The following GABRA2 variants were observed in gnomAD, a reference collection of about 807,000 sequenced individuals.
The protein encoded by GABRA2 is gamma-aminobutyric acid type A receptor subunit alpha2.
A neutral mutation model predicts 48.7 loss-of-function variants in GABRA2; 16 were observed. The observed-to-expected ratio is 0.33, with a 90% CI of 0.22 to 0.50. The LOEUF (loss-of-function observed/expected upper bound fraction) is 0.50. GABRA2 is among the 20% of genes least tolerant of loss of function. The pLI is 0.98. For missense variants in GABRA2, 275 were observed against 535.6 expected, an observed-to-expected ratio of 0.51 and a Z score of 4.80; for synonymous variants, 185 against 184.5, an observed-to-expected ratio of 1.00 and a Z score of -0.02.
intron 8 of GABRA2, among the ~76,000 whole-genome samples, chr4:46,273,767 G>C (rs1249942829): frequency 6.6e-6 from 1 of 151,894 alleles, no homozygotes; most frequent in Non-Finnish European, 1.5e-5. Flanking sequence ...TTGTATCTCT[G>C]CCATATTTAA....
chr4:46,383,011 C>T (rs962863783), intron 3 of GABRA2, among the ~76,000 whole-genome samples: 1 of 152,014 alleles, frequency 6.6e-6, no homozygotes, highest in Non-Finnish European at 1.5e-5. Flanking sequence ...GGTAATTTCC[C>T]TGAGTTTTCT....
chr4:46,270,960 G>A (rs146282625), intron 8 of GABRA2, among the ~76,000 whole-genome samples: 32 of 149,890 alleles, frequency 2.1e-4, no homozygotes, highest in Admixed American at 6.7e-5. Context: ...AAGATCAAAT[G>A]AGTTTCTTCA....
At chr4:46,338,122 C>A (rs1304861472) in intron 3 of GABRA2, among the ~76,000 whole-genome samples, 1 of 151,792 alleles carries the variant, frequency 6.6e-6, no homozygotes, top group Non-Finnish European at 1.5e-5. Flanking sequence ...AACTGATTTT[C>A]TCAAGAGAGT....
chr4:46,347,692 G>T (rs1734384032), intron 3 of GABRA2, among the ~76,000 whole-genome samples: 2 of 151,858 alleles, frequency 1.3e-5, no homozygotes, highest in South Asian at 2.1e-4. Context: ...GCTATGATTT[G>T]TTGGATATGA....
intron 3 of GABRA2, among the ~76,000 whole-genome samples, chr4:46,345,386 A>G (rs1273978890): frequency 1.3e-5 from 2 of 151,782 alleles, no homozygotes; most frequent in South Asian, 2.1e-4. Flanking sequence ...TCCTAAACAT[A>G]CAATGGTGTT....
rs527266877 is a variant in GABRA2 at position 46,328,895 on chromosome 4, A to T, written c.255+3720T>A. Among the ~76,000 whole-genome samples the T allele has an allele frequency of 2.0e-5, 3 of 152,178 alleles. No homozygotes were observed. The South Asian group carries it at 6.2e-4, about 32-fold the overall frequency. ...ACTAATATCAACATGGAAATCATTC[A>T]TTTTGATCATCATGAAGACCATATC... On this transcript the variant is annotated intron_variant, in intron 4 of 9. Transcript: ENST00000381620.
In GABRA2 at chr4:46,303,619, G is replaced by A; in HGVS notation, c.704-7C>T. ...GTCATTACAGTATATTCACCTGGAA[G>A]AAAAATTTAAGAAGCTCAAGGAGTA... On this transcript the variant is annotated splice_polypyrimidine_tract_variant and splice_region_variant and intron_variant, in intron 7 of 9. Transcript: ENST00000381620. 1 of 1,611,772 alleles carries A rather than the reference G, an allele frequency of 6.2e-7. No individual in the cohort carries two copies. Among genetic ancestry groups the A allele is most frequent in the Non-Finnish European group, 8.5e-7 (1 of 1,178,334 alleles).
chr4:46,246,872 T>C lies in GABRA2; in HGVS notation c.*3436A>G, dbSNP rs1298363298. 2.0e-5 allele frequency among the ~76,000 whole-genome samples: 3 copies of C among 151,266 alleles called. No individual in the cohort carries two copies. In the East Asian group the frequency reaches 5.9e-4, roughly 30 times the overall value. On this transcript the variant is annotated 3_prime_UTR_variant, in exon 10 of 10. Transcript: ENST00000381620. ...GCAGAAGGTGACTTGAGCTACTTCC[T>C]TTCTTCTTTCATTGGAATGATGACC...
intron 2 of GABRA2, among the ~76,000 whole-genome samples, chr4:46,388,219 T>TA (rs573407506): frequency 1.6e-3 from 238 of 151,732 alleles, no homozygotes; most frequent in Non-Finnish European, 2.9e-3. Flanking sequence ...GCCATACCAT[T>TA]AAAAAAAGAA....
rs773130859 is a variant in GABRA2 at position 46,305,573 on chromosome 4, C to T, written c.698G>A (p.Ser233Asn). 11 of 1,613,568 alleles carry T rather than the reference C, an allele frequency of 6.8e-6. No individual in the cohort carries two copies. Residue 233 changes from serine (S) to asparagine (N), a missense_variant, in exon 7 of 10, where the codon AGT becomes AAT. Physicochemically the swap from Ser to Asn is conservative, Grantham distance 46. Transcript: ENST00000381620. ...QSIGKETIKSSTGEYTVMTAH... is the reference protein window; with the variant it reads ...QSIGKETIKSNTGEYTVMTAH... ...TAAAGACTAATTTTACTAACCTGTA[C>T]TGGATTTAATTGTCTCCTTTCCGAT...
At chr4:46,298,883 G>T (rs1725228896) in intron 8 of GABRA2, among the ~76,000 whole-genome samples, 1 of 151,530 alleles carries the variant, frequency 6.6e-6, no homozygotes, top group African/African-American at 2.4e-5. Flanking sequence ...TATTATCTTG[G>T]AATTTTCTAT....
chr4:46,251,917 T>G (rs1006982853), intron 9 of GABRA2, among the ~76,000 whole-genome samples: 2 of 151,458 alleles, frequency 1.3e-5, no homozygotes, highest in African/African-American at 4.8e-5. Flanking sequence ...ATATAAATAG[T>G]ACTTATCTGT....
At chr4:46,388,392 ATTTTC>A (rs1367331439) in intron 2 of GABRA2, among the ~76,000 whole-genome samples, 1 of 152,080 alleles carries the variant, frequency 6.6e-6, no homozygotes, top group East Asian at 1.9e-4. Context: ...CATTGAAAGG[ATTTTC>A]TTTTCTTCTG....
At chr4:46,356,003 T>G (rs28550664) in intron 3 of GABRA2, among the ~76,000 whole-genome samples, 1 of 152,204 alleles carries the variant, frequency 6.6e-6, no homozygotes. Flanking sequence ...CTCATATCCA[T>G]CTTCACAGAA....
intron 8 of GABRA2, among the ~76,000 whole-genome samples, chr4:46,267,179 A>T (rs1431707082): frequency 1.3e-5 from 2 of 151,978 alleles, no homozygotes; most frequent in Non-Finnish European, 2.9e-5. Context: ...CAACAATCTT[A>T]ATTGGCTTAT....
rs899221581 is a variant in GABRA2 at position 46,249,088 on chromosome 4, A to G, written c.*1220T>C. ...TGTTTGTGCACGTGAAATAATCCAC[A>G]ATCTATTGGTGATGTTTTAAAGTTG... On this transcript the variant is annotated 3_prime_UTR_variant, in exon 10 of 10. Transcript: ENST00000381620. The G allele has an allele frequency of 8.7e-6, 1 of 115,156 alleles. No individual in the cohort carries two copies. Among genetic ancestry groups the G allele is most frequent in the African/African-American group, 3.0e-5 (1 of 33,606 alleles). 7.1% of individuals were successfully genotyped at this position (115,156 alleles called of 1,614,324 possible). A position where few individuals can be genotyped will look rare whatever the true frequency, so the allele number is the denominator to read the frequency against.
chr4:46,249,109 A>T lies in GABRA2; in HGVS notation c.*1199T>A, dbSNP rs994911626. 6.7e-6 allele frequency: 1 copy of T among 149,980 alleles called. No individual in the cohort carries two copies. Among genetic ancestry groups the T allele is most frequent in the African/African-American group, 2.5e-5 (1 of 40,798 alleles). The allele number at this position is 149,980 out of a possible 1,614,324, so 9.3% of individuals were successfully genotyped here. On this transcript the variant is annotated 3_prime_UTR_variant, in exon 10 of 10. Transcript: ENST00000381620. ...CCACAATCTATTGGTGATGTTTTAAAGTTGCAGTGTAAAAATGTTCAACCC... is the reference window on the plus strand; with the variant it reads ...CCACAATCTATTGGTGATGTTTTAATGTTGCAGTGTAAAAATGTTCAACCC...
rs774778361 is a variant in GABRA2 at position 46,261,986 on chromosome 4, A to G, written c.999T>C (p.Thr333=). 6.2e-7 allele frequency: 1 copy of G among 1,613,892 alleles called. No individual in the cohort carries two copies. The highest frequency in any genetic ancestry group is 1.1e-5 in the South Asian group (1 of 91,076). ...ATCCTCTTTTGGTGAAGTAATTAAC[A>G]GTTGCAAATTCAATTAGGGCAGAGA... ...FVFSALIEFA[T]VNYFTKRGWA... is the part of the protein sequence containing the mutation. The change falls in exon 9 of 10, where the codon ACT becomes ACC. Residue 333 remains threonine (T), a synonymous_variant. Transcript: ENST00000381620.
intron 1 of GABRA2, chr4:46,389,289 A>G: frequency 1.0e-6 from 1 of 985,410 alleles, no homozygotes; most frequent in Non-Finnish European, 1.2e-6. Flanking sequence ...AAATAAAATA[A>G]ATAATTTCCC....
Sources: gnomAD v4.1 joint callset for allele counts (sites outside exome capture counted in the v4.1 genomes callset) on GRCh38, gnomAD v4.1.1 for gene constraint, MANE v1.5 for transcripts, NCBI Gene and HGNC (gene_info 2026-07-23, HGNC 2026-07-21) for gene names.